The following GNG7 variants were observed in gnomAD, a reference collection of about 807,000 sequenced individuals.
The protein encoded by GNG7 is guanine nucleotide-binding protein G(I)/G(S)/G(O) subunit gamma-7.
In GNG7, 1 loss-of-function variant was observed where a neutral mutation model predicts 4.0. The observed-to-expected ratio is 0.25, with a 90% CI of 0.09 to 1.18. The LOEUF (loss-of-function observed/expected upper bound fraction) is 1.18, where lower values mean the gene tolerates loss of function less well. GNG7 is among the 50% of genes most tolerant of loss of function. The probability of loss-of-function intolerance (pLI) is 0.50; values close to 1 mark genes in which losing one functional copy is unlikely to be tolerated. For missense variants in GNG7, 86 were observed against 91.9 expected (o/e 0.94, Z 0.26); for synonymous variants, 34 against 36.9 (o/e 0.92, Z 0.29).
chr19:2,536,606 A>G (rs935565287), intron 3 of GNG7, among the ~76,000 whole-genome samples: 44 of 152,310 alleles, frequency 2.9e-4, no homozygotes, highest in Middle Eastern at 3.4e-3. Context: ...GCCGCACTGA[A>G]GCGTGTGTGG....
In GNG7 at chr19:2,512,982, G is replaced by C. The variant is rs934255053; in HGVS notation, c.*2040C>G. On this transcript the variant is annotated 3_prime_UTR_variant, in exon 5 of 5. Coordinates refer to ENST00000382159, the MANE Select transcript of GNG7 (RefSeq NM_052847.3). The surrounding 1 kb of genome is among the most constrained non-coding windows in gnomAD (Gnocchi z 4.7). ...CTCCGGGAGCCTCTGGGGCTCTCCCGGGCCAACAGCAGGTTTGGCGGGTAG... is the reference window on the plus strand; with the variant it reads ...CTCCGGGAGCCTCTGGGGCTCTCCCCGGCCAACAGCAGGTTTGGCGGGTAG... The C allele has an allele frequency of 2.0e-6, 2 of 985,338 alleles. No individual in the cohort carries two copies. The highest frequency in any genetic ancestry group is 2.4e-6 in the Non-Finnish European group (2 of 829,958). The allele number at this position is 985,338 out of a possible 1,614,324, so 61.0% of individuals were successfully genotyped here.
chr19:2,648,872 G>T (rs944707715), intron 1 of GNG7, among the ~76,000 whole-genome samples: 91 of 146,604 alleles, frequency 6.2e-4, no homozygotes, highest in African/African-American at 2.1e-3. Context: ...TGAATCATGT[G>T]TTTTTTTTTT....
At chr19:2,654,499 C>T (rs1982911321) in intron 1 of GNG7, among the ~76,000 whole-genome samples, 1 of 151,578 alleles carries the variant, frequency 6.6e-6, no homozygotes, top group South Asian at 2.1e-4. Flanking sequence ...CCTGATGTCC[C>T]CTGGGGAACA....
chr19:2,520,048 G>T (rs774478787), intron 4 of GNG7, among the ~76,000 whole-genome samples: 1 of 152,208 alleles, frequency 6.6e-6, no homozygotes, highest in Non-Finnish European at 1.5e-5. Flanking sequence ...AGGCATGGTG[G>T]TGCATGCCTG....
intron 1 of GNG7, among the ~76,000 whole-genome samples, chr19:2,685,067 T>C (rs1247217434): frequency 6.7e-6 from 1 of 149,746 alleles, no homozygotes. Flanking sequence ...GAGGTTGCAG[T>C]GAGCCAAGAT....
At chr19:2,538,266 G>C (rs1199018048) in intron 3 of GNG7, 1 of 456,568 alleles carries the variant, frequency 2.2e-6, no homozygotes, top group African/African-American at 2.0e-5. Context: ...AGGTCAGTCT[G>C]CTGAGAATGA....
chr19:2,682,056 C>T (rs1009088752), intron 1 of GNG7, among the ~76,000 whole-genome samples: 12 of 152,092 alleles, frequency 7.9e-5, no homozygotes, highest in Middle Eastern at 3.4e-3. Context: ...ATTACAGGCG[C>T]GCGCCACCAC....
Position 2,680,820 on chromosome 19 carries a change from T to A in GNG7, c.-135+21826A>T, listed in dbSNP as rs77793160. 3.7e-3 allele frequency among the ~76,000 whole-genome samples: 568 copies of A among 152,186 alleles called. 3 individuals carry two copies. Among genetic ancestry groups the A allele is most frequent in the African/African-American group, 0.013 (550 of 41,524 alleles). On this transcript the variant is annotated intron_variant, in intron 1 of 4. Transcript: ENST00000382159. The stretch of plus-strand genomic sequence containing the variant: ...AACTCCCGACTTCATTCGTTTCTTT[T>A]TTGAGACAGGGTCTTGCTCTGTTGC...
chr19:2,635,177 A>G (rs1342461954), intron 2 of GNG7, among the ~76,000 whole-genome samples: 2 of 152,170 alleles, frequency 1.3e-5, no homozygotes, highest in East Asian at 3.9e-4. Context: ...ATCCCCAGAC[A>G]TTGCCCCAGA....
At chr19:2,685,124 A>T (rs567820662) in intron 1 of GNG7, among the ~76,000 whole-genome samples, 1 of 138,654 alleles carries the variant, frequency 7.2e-6, no homozygotes, top group Non-Finnish European at 1.5e-5. Flanking sequence ...GACTCTGTCT[A>T]AAAAAAAAAA....
At chr19:2,554,049 G>C (rs1027455442) in intron 3 of GNG7, among the ~76,000 whole-genome samples, 7 of 138,098 alleles carry the variant, frequency 5.1e-5, no homozygotes, top group African/African-American at 2.0e-4. Flanking sequence ...TGCACCTATA[G>C]TCCCAGCTAC....
intron 2 of GNG7, among the ~76,000 whole-genome samples, chr19:2,556,467 C>T (rs2144764099): frequency 6.6e-6 from 1 of 152,342 alleles, no homozygotes; most frequent in African/African-American, 2.4e-5. Flanking sequence ...GCCCCTCTTC[C>T]GTCACAAACA....
At position 2,514,785 on chromosome 19, in the gene GNG7, A is replaced by C; in HGVS notation, c.*237T>G. 2 of 390,292 alleles carry C rather than the reference A, an allele frequency of 5.1e-6. No individual in the cohort carries two copies. Among genetic ancestry groups the C allele is most frequent in the Non-Finnish European group, 9.4e-6 (2 of 212,322 alleles). 24.2% of individuals were successfully genotyped at this position (390,292 alleles called of 1,614,324 possible). A position where few individuals can be genotyped will look rare whatever the true frequency, so the allele number is the denominator to read the frequency against. On this transcript the variant is annotated 3_prime_UTR_variant, in exon 5 of 5. Coordinates refer to ENST00000382159, the MANE Select transcript of GNG7 (RefSeq NM_052847.3). ...CCTTTTGGCCCAAACTGAGAGGGCC[A>C]TGGGGTCGGACCTGAAAATTCATCT...
intron 2 of GNG7, among the ~76,000 whole-genome samples, chr19:2,570,622 G>C (rs34303436): frequency 0.18 from 27,348 of 152,070 alleles, 2,689 homozygotes; most frequent in Middle Eastern, 0.26. Context: ...TGGGCCCCAG[G>C]AGGAGCTTGA....
chr19:2,594,584 T>C (rs574123063), intron 2 of GNG7, among the ~76,000 whole-genome samples: 28 of 152,258 alleles, frequency 1.8e-4, no homozygotes, highest in Non-Finnish European at 2.9e-4. Context: ...CTGCCCTTCT[T>C]CTGTTCTCAC....
chr19:2,520,204 T>C (rs1413322836), intron 4 of GNG7, among the ~76,000 whole-genome samples: 3 of 129,894 alleles, frequency 2.3e-5, no homozygotes, highest in Non-Finnish European at 3.4e-5. Context: ...AAACAAATCC[T>C]TCAAACAACA....
At chr19:2,649,897 C>CT (rs1248834101) in intron 1 of GNG7, among the ~76,000 whole-genome samples, 1 of 152,050 alleles carries the variant, frequency 6.6e-6, no homozygotes, top group Non-Finnish European at 1.5e-5. Context: ...CACGCACACC[C>CT]TCCCTGACTC....
chr19:2,566,107 A>G (rs1979899738), intron 2 of GNG7, among the ~76,000 whole-genome samples: 1 of 152,010 alleles, frequency 6.6e-6, no homozygotes, highest in Admixed American at 6.6e-5. Context: ...GCAGTGAGCC[A>G]AAATCGCACC....
At position 2,617,287 on chromosome 19, in the gene GNG7, G is replaced by C. The variant is rs896931384; in HGVS notation, c.-78+28937C>G. ...GGCAAACCTGTCCCACTTAAGAACC[G>C]CTGGCCTGGACCAGAAACTGGATCT... On this transcript the variant is annotated intron_variant, in intron 2 of 4. Coordinates refer to ENST00000382159, the MANE Select transcript of GNG7 (RefSeq NM_052847.3). This position sits in a 1 kb window ranked among gnomAD's most constrained non-coding sequence, Gnocchi z 4.7. Among the ~76,000 whole-genome samples, 4 of 152,228 alleles carry C rather than the reference G, an allele frequency of 2.6e-5. No homozygotes were observed. Among genetic ancestry groups the C allele is most frequent in the East Asian group, 3.9e-4 (2 of 5,172 alleles).
Sources: gnomAD v4.1 joint callset for allele counts (sites outside exome capture counted in the v4.1 genomes callset) on GRCh38, gnomAD v4.1.1 for gene constraint, Gnocchi (gnomAD v3.1) non-coding constraint, MANE v1.5 for transcripts, NCBI Gene and HGNC (gene_info 2026-07-23, HGNC 2026-07-21) for gene names.